RNLS: variants seen among roughly 807,000 people sequenced by gnomAD.
RNLS encodes renalase, FAD dependent amine oxidase, also known as renalase.
Under a neutral mutation model 39.8 loss-of-function variants are expected in RNLS, and 39 were observed. The ratio of observed to expected loss-of-function variants is 0.98; its 90% CI spans 0.76 to 1.28. The LOEUF (loss-of-function observed/expected upper bound fraction) is 1.28. RNLS is among the 50% of genes most tolerant of loss of function. The pLI is 0.00. For missense variants in RNLS, 410 were observed against 413.3 expected, an observed-to-expected ratio of 0.99 and a Z score of 0.07; for synonymous variants, 147 against 150.7, an observed-to-expected ratio of 0.98 and a Z score of 0.18.
At chr10:88,285,620 A>C (rs1416340116) in intron 6 of RNLS, 114 bp from the exon 7 acceptor site, 2 of 919,616 alleles carry the variant, frequency 2.2e-6, no homozygotes, top group African/African-American at 3.3e-5. Flanking sequence ...TTCTCACAAG[A>C]AGCACCAAAC....
In RNLS at chr10:88,290,653, TAAAAG is replaced by T. The variant is rs537058897; in HGVS notation, c.877-5152_877-5148del. On this transcript the variant is annotated intron_variant, in intron 6 of 6. Transcript: ENST00000331772. The stretch of plus-strand genomic sequence containing the variant: ...ATCTTTTGCAAACATAAAAAGGAAA[TAAAAG>T]AGAAATACATTGGTGAAGCCATTCT... Among the ~76,000 whole-genome samples the T allele has an allele frequency of 1.9e-3, 282 of 152,246 alleles. 2 individuals are homozygous for T. Among genetic ancestry groups the T allele is most frequent in the African/African-American group, 6.2e-3 (257 of 41,562 alleles).
At chr10:88,180,079 G>A in the RNLS span, among the ~76,000 whole-genome samples, 1 of 152,218 alleles carries the variant, frequency 6.6e-6, no homozygotes, top group Non-Finnish European at 1.5e-5. Flanking sequence ...AGAGTAAACT[G>A]TTAAGGATAG....
At chr10:88,281,575 G>A (rs1010721544), downstream of RNLS, among the ~76,000 whole-genome samples, 2 of 152,092 alleles carry the variant, frequency 1.3e-5, no homozygotes, top group Non-Finnish European at 2.9e-5. Context: ...GTGACAGGAA[G>A]AGTAAAGAAT....
the RNLS span, among the ~76,000 whole-genome samples, chr10:88,255,256 A>G: frequency 6.6e-5 from 10 of 152,212 alleles, no homozygotes; most frequent in African/African-American, 2.4e-4. Context: ...TAGTTGGTAT[A>G]TTCTTAAACA....
chr10:88,261,250 T>C, the RNLS span, among the ~76,000 whole-genome samples: 1 of 152,186 alleles, frequency 6.6e-6, no homozygotes, highest in African/African-American at 2.4e-5. Context: ...ATCCTCCCTC[T>C]TCCACCTACC....
intron 4 of RNLS, among the ~76,000 whole-genome samples, chr10:88,567,145 A>C (rs1463106387): frequency 9.2e-5 from 14 of 152,190 alleles, no homozygotes. Context: ...AGTACAAATC[A>C]AATAAAATCA....
chr10:88,220,063 G>A, the RNLS span, among the ~76,000 whole-genome samples: 6,680 of 152,244 alleles, frequency 0.044, 213 homozygotes, highest in Admixed American at 0.092. Context: ...AAGGGCCAAG[G>A]GTGGACAGGG....
intron 4 of RNLS, among the ~76,000 whole-genome samples, chr10:88,539,141 A>G (rs963103555): frequency 2.0e-5 from 3 of 152,170 alleles, no homozygotes; most frequent in Non-Finnish European, 1.5e-5. Flanking sequence ...TTAGAGAGGG[A>G]GAATAAAAGA....
intron 4 of RNLS, among the ~76,000 whole-genome samples, chr10:88,454,117 A>C (rs962633808): frequency 1.3e-5 from 2 of 152,170 alleles, no homozygotes; most frequent in South Asian, 4.1e-4. Context: ...ACCAACACTT[A>C]TGGGCTGAAA....
the RNLS span, among the ~76,000 whole-genome samples, chr10:88,239,660 T>C: frequency 1.3e-4 from 20 of 152,376 alleles, no homozygotes; most frequent in Non-Finnish European, 5.9e-5. Context: ...CATTCTGTAG[T>C]GTCCTTTCTT....
chr10:88,202,253 A>G, the RNLS span, among the ~76,000 whole-genome samples: 1 of 140,054 alleles, frequency 7.1e-6, no homozygotes, highest in African/African-American at 2.6e-5. Flanking sequence ...AACAATGAGA[A>G]CACATGGACA....
At chr10:88,194,031 C>T in the RNLS span, among the ~76,000 whole-genome samples, 3 of 152,284 alleles carry the variant, frequency 2.0e-5, no homozygotes, top group Admixed American at 6.5e-5. Flanking sequence ...AATATGAAAT[C>T]ACGTCTACAT....
chr10:88,523,400 T>C (rs935739500), intron 4 of RNLS, among the ~76,000 whole-genome samples: 5 of 152,128 alleles, frequency 3.3e-5, no homozygotes, highest in East Asian at 1.9e-4. Flanking sequence ...TTTGAAAATA[T>C]GTTACATACT....
the RNLS span, among the ~76,000 whole-genome samples, chr10:88,255,305 A>G: frequency 6.6e-6 from 1 of 152,346 alleles, no homozygotes; most frequent in East Asian, 1.9e-4. Flanking sequence ...TTTATTCACT[A>G]TCTTTAACAT....
chr10:88,320,715 T>C (rs1846125493), intron 5 of RNLS, among the ~76,000 whole-genome samples: 1 of 149,426 alleles, frequency 6.7e-6, no homozygotes, highest in African/African-American at 2.5e-5. Context: ...GGGTATTATA[T>C]AATGATAAAG....
chr10:88,468,649 C>T (rs1443449794), intron 4 of RNLS, among the ~76,000 whole-genome samples: 1 of 152,076 alleles, frequency 6.6e-6, no homozygotes, highest in Non-Finnish European at 1.5e-5. Context: ...GGAAATAAGG[C>T]TTTTACACCA....
At chr10:88,566,369 G>A (rs1290428912) in intron 4 of RNLS, among the ~76,000 whole-genome samples, 1 of 151,982 alleles carries the variant, frequency 6.6e-6, no homozygotes, top group Non-Finnish European at 1.5e-5. Flanking sequence ...GTCTGGTCTT[G>A]CCCCACAACA....
chr10:88,571,572 T>C (rs1590041385), intron 4 of RNLS, among the ~76,000 whole-genome samples: 1 of 152,202 alleles, frequency 6.6e-6, no homozygotes, highest in Non-Finnish European at 1.5e-5. Context: ...CACCGTCAGC[T>C]AGGATTGTAG....
intron 4 of RNLS, among the ~76,000 whole-genome samples, chr10:88,385,454 C>T (rs12244164): frequency 0.2 from 30,652 of 152,186 alleles, 3,289 homozygotes; most frequent in African/African-American, 0.28. Context: ...TTAAACCCGG[C>T]AGCCTAGACA....
Sources: gnomAD v4.1 joint callset for allele counts (sites outside exome capture counted in the v4.1 genomes callset) on GRCh38, gnomAD v4.1.1 for gene constraint, MANE v1.5 for transcripts, NCBI Gene and HGNC (gene_info 2026-07-23, HGNC 2026-07-21) for gene names.